FRAS1: variants seen among roughly 807,000 people sequenced by gnomAD.
The protein encoded by FRAS1 is Fraser extracellular matrix complex subunit 1.
In FRAS1, 290 loss-of-function variants were observed where a neutral mutation model predicts 435.2. The ratio of observed to expected loss-of-function variants is 0.67; its 90% confidence interval spans 0.61 to 0.73. The LOEUF is 0.73. Among genes scored for constraint, FRAS1 ranks in the 30% least tolerant of loss-of-function variants. FRAS1 has a pLI of 0.00. For missense variants in FRAS1, 4,860 were observed against 5,001.5 expected (o/e 0.97, Z 0.85); for synonymous variants, 1,800 against 1,851.0 (o/e 0.97, Z 0.71).
chr4:78,097,417 T>C (rs942397001), intron 2 of FRAS1, among the ~76,000 whole-genome samples: 16 of 152,216 alleles, frequency 1.1e-4, no homozygotes, highest in Non-Finnish European at 2.1e-4. Context: ...CTACTGGTAC[T>C]CATTTACTGT....
At chr4:78,272,173 G>T (rs2110163178) in intron 9 of FRAS1, among the ~76,000 whole-genome samples, 1 of 152,020 alleles carries the variant, frequency 6.6e-6, no homozygotes, top group South Asian at 2.1e-4. Context: ...TTTTTTTCTT[G>T]TAAATTTGTT....
chr4:78,115,461 G>A (rs1264219574), intron 2 of FRAS1, among the ~76,000 whole-genome samples: 2 of 152,190 alleles, frequency 1.3e-5, no homozygotes, highest in East Asian at 3.9e-4. Context: ...TCTTGTCCTG[G>A]ACTTTTTTTG....
intron 2 of FRAS1, among the ~76,000 whole-genome samples, chr4:78,208,043 G>A (rs1379788891): frequency 6.6e-6 from 1 of 152,148 alleles, no homozygotes; most frequent in Non-Finnish European, 1.5e-5. Context: ...GATAGCTCCT[G>A]CAGGACCCAG....
At chr4:78,376,942 C>T (rs1439354556) in intron 26 of FRAS1, among the ~76,000 whole-genome samples, 1 of 151,900 alleles carries the variant, frequency 6.6e-6, no homozygotes, top group African/African-American at 2.4e-5. Flanking sequence ...TGTGGTGAGC[C>T]GAGATCATGC....
chr4:78,123,108 A>G (rs1719122949), intron 2 of FRAS1, among the ~76,000 whole-genome samples: 1 of 152,198 alleles, frequency 6.6e-6, no homozygotes, highest in African/African-American at 2.4e-5. Flanking sequence ...TTATGGTCCT[A>G]GGTCTTACGT....
intron 10 of FRAS1, among the ~76,000 whole-genome samples, chr4:78,279,675 A>T (rs1727232763): frequency 6.6e-6 from 1 of 152,198 alleles, no homozygotes; most frequent in African/African-American, 2.4e-5. Context: ...ACCTAAAGGA[A>T]ATATATTTAT....
chr4:78,234,205 C>A (rs1245510534), intron 2 of FRAS1, among the ~76,000 whole-genome samples: 1 of 152,024 alleles, frequency 6.6e-6, no homozygotes, highest in Admixed American at 6.6e-5. Flanking sequence ...TTTTTCCTCA[C>A]CTTCTTGTTT....
chr4:78,067,741 C>T (rs562559844), intron 2 of FRAS1, among the ~76,000 whole-genome samples: 1 of 145,906 alleles, frequency 6.9e-6, no homozygotes, highest in South Asian at 2.1e-4. Flanking sequence ...CTCTGTCACC[C>T]AGGCTGGAGT....
intron 38 of FRAS1, among the ~76,000 whole-genome samples, chr4:78,435,969 G>A (rs746297395): frequency 4.2e-4 from 64 of 152,132 alleles, no homozygotes; most frequent in Non-Finnish European, 7.2e-4. Flanking sequence ...ATGATATTAA[G>A]GAAGGGCGGA....
intron 26 of FRAS1, among the ~76,000 whole-genome samples, chr4:78,376,663 G>A (rs1337202786): frequency 6.6e-6 from 1 of 152,004 alleles, no homozygotes; most frequent in Non-Finnish European, 1.5e-5. Flanking sequence ...GTTTCTAGTG[G>A]ATGGATTTCA....
In FRAS1 at chr4:78,237,611, T is replaced by A. The variant is rs768188146; in HGVS notation, c.210T>A (p.Phe70Leu). The A allele has an allele frequency of 6.3e-7, 1 of 1,589,736 alleles. No homozygotes were observed. The highest frequency in any genetic ancestry group is 8.6e-7 in the Non-Finnish European group (1 of 1,160,594). The change falls in exon 3 of 74, where the codon TTT (phenylalanine) becomes TTA (leucine). Residue 70 changes from phenylalanine to leucine, a missense_variant. Physicochemically the swap from Phe to Leu is conservative, Grantham distance 22. Coordinates refer to ENST00000512123, the MANE Select transcript of FRAS1 (RefSeq NM_025074.7). ...TTTGCAGAAACCCTCAATGTGCCTTTGAGAAGGTACGGTATCCTAATTGTG... is the reference window on the plus strand; with the variant it reads ...TTTGCAGAAACCCTCAATGTGCCTTAGAGAAGGTACGGTATCCTAATTGTG... ...PAVCRNPQCA[F>L]EKGEVLQIAA...
At chr4:78,444,725 G>A (rs1353914048) in intron 41 of FRAS1, among the ~76,000 whole-genome samples, 2 of 152,148 alleles carry the variant, frequency 1.3e-5, no homozygotes, top group Non-Finnish European at 2.9e-5. Flanking sequence ...CTTCCCCTGG[G>A]CCTTTTGCAG....
Position 78,479,427 on chromosome 4 carries a change from A to G in FRAS1, c.8152A>G (p.Met2718Val), listed in dbSNP as rs754424180. ...AICYTVPKSA[M>V]GSSLYALESG... ...TTGCTACACAGTCCCTAAGTCAGCT[A>G]TGGGAAGTAGCCTCTATGCTCTAGA... Residue 2718 changes from methionine (M) to valine (V), a missense_variant, in exon 56 of 74, where the codon ATG becomes GTG. By Grantham distance (21) the Met-to-Val change is conservative (BLOSUM62 1). Coordinates refer to ENST00000512123, the MANE Select transcript of FRAS1 (RefSeq NM_025074.7). 3.5e-5 allele frequency: 55 copies of G among 1,573,998 alleles called. No homozygotes were observed. Among genetic ancestry groups the G allele is most frequent in the Middle Eastern group, 3.4e-4 (2 of 5,862 alleles).
intron 2 of FRAS1, among the ~76,000 whole-genome samples, chr4:78,091,789 C>T (rs1333621577): frequency 6.6e-6 from 1 of 151,672 alleles, no homozygotes; most frequent in Non-Finnish European, 1.5e-5. Flanking sequence ...TCCTGAGTAG[C>T]TCATACTGCA....
At chr4:78,251,803 T>C (rs1206005123) in intron 4 of FRAS1, among the ~76,000 whole-genome samples, 7 of 152,224 alleles carry the variant, frequency 4.6e-5, no homozygotes, top group Non-Finnish European at 8.8e-5. Context: ...TGAATGTGCA[T>C]GTGGCCAAGT....
In FRAS1 at chr4:78,058,083, A is replaced by T. The variant is rs764832667; in HGVS notation, c.74A>T (p.Glu25Val). ...TTTGCAGTATTGCCTCATCATTCCG[A>T]AGGTGAGAGAGCGGTGCCGCGTGTG... Reference protein sequence around the residue: ...AEFAVLPHHSEGACVYQDSLL... With the variant: ...AEFAVLPHHSVGACVYQDSLL... The change falls in exon 1 of 74, where the codon GAA becomes GTA. Residue 25 changes from glutamate (E) to valine (V), a missense_variant and splice_region_variant. Transcript: ENST00000512123. 1 of 1,612,806 alleles carries T rather than the reference A, an allele frequency of 6.2e-7. No individual in the cohort carries two copies. The highest frequency in any genetic ancestry group is 8.5e-7 in the Non-Finnish European group (1 of 1,179,546).
intron 14 of FRAS1, among the ~76,000 whole-genome samples, chr4:78,307,187 G>A (rs932009471): frequency 1.4e-4 from 22 of 152,324 alleles, no homozygotes; most frequent in African/African-American, 4.6e-4. Context: ...GGGGGTCAGA[G>A]GTCAGGGACC....
At chr4:78,469,634 G>T (rs1496601) in intron 50 of FRAS1, among the ~76,000 whole-genome samples, 48,594 of 96,358 alleles carry the variant, frequency 0.5, 8,679 homozygotes, top group Admixed American at 0.56. Flanking sequence ...AGTACTGTTT[G>T]GTTTTTTTTT....
chr4:78,078,757 G>C (rs947507023), intron 2 of FRAS1, among the ~76,000 whole-genome samples: 3 of 152,060 alleles, frequency 2.0e-5, no homozygotes, highest in Admixed American at 2.0e-4. Flanking sequence ...AATAAGAATA[G>C]AGAGTTTACA....
Sources: gnomAD v4.1 joint callset for allele counts (sites outside exome capture counted in the v4.1 genomes callset) on GRCh38, gnomAD v4.1.1 for gene constraint, MANE v1.5 for transcripts, NCBI Gene and HGNC (gene_info 2026-07-23, HGNC 2026-07-21) for gene names.